Variants in SLC39A12 observed in about 807,000 individuals in gnomAD.
The protein encoded by SLC39A12 is solute carrier family 39 member 12.
A neutral mutation model predicts 71.1 loss-of-function variants in SLC39A12; 63 were observed. The ratio of observed to expected loss-of-function variants is 0.89; its 90% CI spans 0.72 to 1.09. The LOEUF (loss-of-function observed/expected upper bound fraction) is 1.09. SLC39A12 is among the 50% of genes least tolerant of loss of function. The pLI is 0.00. For missense variants in SLC39A12, 892 were observed against 812.6 expected, an observed-to-expected ratio of 1.10 and a Z score of -1.19; for synonymous variants, 351 against 301.3, an observed-to-expected ratio of 1.16 and a Z score of -1.71.
At chr10:17,955,468 G>A (rs1834516170) in intron 2 of SLC39A12, among the ~76,000 whole-genome samples, 1 of 152,172 alleles carries the variant, frequency 6.6e-6, no homozygotes, top group Admixed American at 6.5e-5. Context: ...AGGAAACAGA[G>A]TCCTCTGAAT....
intron 12 of SLC39A12, among the ~76,000 whole-genome samples, chr10:18,037,652 G>C (rs1837094252): frequency 6.6e-6 from 1 of 152,098 alleles, no homozygotes. Context: ...GTAAATGAAA[G>C]GCAAATAAAA....
At chr10:18,041,683 A>G (rs1402598303) in intron 12 of SLC39A12, among the ~76,000 whole-genome samples, 1 of 47,230 alleles carries the variant, frequency 2.1e-5, no homozygotes, top group African/African-American at 6.7e-5. Context: ...ATGTATATAC[A>G]TATGTATATA....
At chr10:18,017,431 C>A (rs1172302507) in intron 12 of SLC39A12, among the ~76,000 whole-genome samples, 1 of 152,196 alleles carries the variant, frequency 6.6e-6, no homozygotes, top group African/African-American at 2.4e-5. Context: ...GCCTCAGCCT[C>A]CTGAGTAGCT....
chr10:17,991,918 G>C (rs1835558597), intron 8 of SLC39A12, among the ~76,000 whole-genome samples: 1 of 151,868 alleles, frequency 6.6e-6, no homozygotes, highest in Non-Finnish European at 1.5e-5. Context: ...GCGAAACGCT[G>C]TCTGTACTGA....
At chr10:17,996,971 C>T (rs1160345942) in intron 10 of SLC39A12, among the ~76,000 whole-genome samples, 1 of 146,418 alleles carries the variant, frequency 6.8e-6, no homozygotes, top group Admixed American at 6.9e-5. Flanking sequence ...GCCGAGATCG[C>T]GCCACTGCAC....
chr10:17,992,049 A>C (rs1344272976), intron 8 of SLC39A12, among the ~76,000 whole-genome samples: 2 of 138,910 alleles, frequency 1.4e-5, no homozygotes, highest in African/African-American at 5.3e-5. Flanking sequence ...AGATCGCGCC[A>C]CTACACTCCA....
In SLC39A12 at chr10:18,003,227, A is replaced by C; in HGVS notation, c.1816A>C (p.Asn606His). 6.2e-7 allele frequency: 1 copy of C among 1,614,122 alleles called. No individual in the cohort carries two copies. Among genetic ancestry groups the C allele is most frequent in the South Asian group, 1.1e-5 (1 of 91,064 alleles). The part of the protein sequence containing the change: ...GLSMKTAILM[N>H]FISSLTAFMG... ...TTCTATGAAGACTGCCATCCTGATG[A>C]ATTTTATAAGCTCCCTAACTGCCTT... The change falls in exon 12 of 13, where the codon AAT (asparagine) becomes CAT (histidine). Residue 606 changes from asparagine (N) to histidine (H), a missense_variant. Coordinates refer to ENST00000377369, the MANE Select transcript of SLC39A12 (RefSeq NM_001145195.2).
chr10:17,988,797 A>C (rs1589233678), intron 7 of SLC39A12, among the ~76,000 whole-genome samples: 1 of 152,150 alleles, frequency 6.6e-6, no homozygotes, highest in Admixed American at 6.5e-5. Context: ...CTACGTCTCC[A>C]GTGGACAGCT....
At chr10:18,011,245 A>G (rs555522880) in intron 12 of SLC39A12, among the ~76,000 whole-genome samples, 1 of 152,116 alleles carries the variant, frequency 6.6e-6, no homozygotes, top group Non-Finnish European at 1.5e-5. Context: ...ATGTGCCCCC[A>G]TGCCCGCTTA....
chr10:17,987,144 C>A (rs556058656), intron 6 of SLC39A12, among the ~76,000 whole-genome samples: 21 of 152,226 alleles, frequency 1.4e-4, no homozygotes, highest in Admixed American at 3.9e-4. Flanking sequence ...GCCTGGGGAA[C>A]ATGACGAAAC....
At chr10:18,035,564 A>C (rs1019079922) in intron 12 of SLC39A12, among the ~76,000 whole-genome samples, 1 of 151,736 alleles carries the variant, frequency 6.6e-6, no homozygotes, top group Non-Finnish European at 1.5e-5. Context: ...TTTTTTTCAA[A>C]GTTTTCAACT....
At chr10:17,992,771 G>A (rs1290695800) in intron 8 of SLC39A12, among the ~76,000 whole-genome samples, 1 of 152,090 alleles carries the variant, frequency 6.6e-6, no homozygotes, top group East Asian at 1.9e-4. Context: ...ATAATTCCAA[G>A]ATTTATGATA....
At chr10:18,040,679 G>A (rs760026826) in intron 12 of SLC39A12, among the ~76,000 whole-genome samples, 1 of 150,036 alleles carries the variant, frequency 6.7e-6, no homozygotes, top group Non-Finnish European at 1.5e-5. Flanking sequence ...TGAGGTAGGA[G>A]AATCGCCATA....
At chr10:18,021,974 G>A (rs997155559) in intron 12 of SLC39A12, among the ~76,000 whole-genome samples, 1 of 152,174 alleles carries the variant, frequency 6.6e-6, no homozygotes, top group Non-Finnish European at 1.5e-5. Flanking sequence ...TAGGGTTTCT[G>A]CTGAAAAATC....
chr10:18,014,259 T>A (rs1008708036), intron 12 of SLC39A12, among the ~76,000 whole-genome samples: 1 of 152,168 alleles, frequency 6.6e-6, no homozygotes, highest in Admixed American at 6.6e-5. Flanking sequence ...GGATTGTTCA[T>A]TGTTTGTGTT....
At chr10:18,038,842 G>C (rs1837139065) in intron 12 of SLC39A12, among the ~76,000 whole-genome samples, 1 of 152,138 alleles carries the variant, frequency 6.6e-6, no homozygotes, top group Admixed American at 6.6e-5. Flanking sequence ...CTCAGCCAAA[G>C]ACCCTTCCTG....
chr10:17,959,437 T>G lies in SLC39A12; in HGVS notation c.262-2144T>G, dbSNP rs565097773. Among the ~76,000 whole-genome samples the G allele has an allele frequency of 1.2e-4, 19 of 152,314 alleles. No homozygotes were observed. In the South Asian group the frequency reaches 3.3e-3, roughly 27 times the overall value. On this transcript the variant is annotated intron_variant, in intron 2 of 12. Transcript: ENST00000377369. ...TGATTTGGAGATGGATGACATTTGTTTCTTCCTGACTCAGATGATTACATA... is the reference window on the plus strand; with the variant it reads ...TGATTTGGAGATGGATGACATTTGTGTCTTCCTGACTCAGATGATTACATA...
chr10:18,001,406 TGGGA>T (rs1460132621), intron 11 of SLC39A12, among the ~76,000 whole-genome samples: 3 of 151,990 alleles, frequency 2.0e-5, no homozygotes, highest in Admixed American at 6.5e-5. Context: ...CCCAGCTACT[TGGGA>T]GGCTGAGGTG....
intron 12 of SLC39A12, among the ~76,000 whole-genome samples, chr10:18,016,545 C>A (rs960662510): frequency 6.6e-6 from 1 of 152,154 alleles, no homozygotes; most frequent in African/African-American, 2.4e-5. Flanking sequence ...GTTTTCAAAT[C>A]TGTTGAGGAA....
Sources: allele counts gnomAD v4.1 joint callset (sites outside exome capture counted in the v4.1 genomes callset), GRCh38; gene constraint gnomAD v4.1.1; transcripts MANE v1.5; gene names NCBI Gene and HGNC (gene_info 2026-07-23, HGNC 2026-07-21).